The following DEGS1 variants were observed in gnomAD, a reference collection of about 807,000 sequenced individuals.
DEGS1 encodes the protein delta 4-desaturase, sphingolipid 1.
DEGS1 carries 17 observed loss-of-function variants against 24.1 expected under a neutral mutation model. The observed-to-expected ratio is 0.70, with a 90% CI of 0.48 to 1.06. The LOEUF is 1.06. Among genes scored for constraint, DEGS1 ranks in the 50% least tolerant of loss-of-function variants. DEGS1 has a pLI of 0.00. For missense variants in DEGS1, 366 were observed against 408.9 expected, an observed-to-expected ratio of 0.90 and a Z score of 0.91; for synonymous variants, 134 against 140.0, an observed-to-expected ratio of 0.96 and a Z score of 0.30.
chr1:224,188,834 ATTTCTC>A (rs1287473683), intron 1 of DEGS1, among the ~76,000 whole-genome samples: 3 of 152,102 alleles, frequency 2.0e-5, no homozygotes, highest in Non-Finnish European at 2.9e-5. Flanking sequence ...ATGCTGTCCG[ATTTCTC>A]TGTTTTCTTT....
chr1:224,189,702 A>G lies in DEGS1; in HGVS notation c.208A>G (p.Ile70Val). The change falls in exon 2 of 3, where the codon ATA (isoleucine) becomes GTA (valine). Residue 70 changes from isoleucine (I) to valine (V), a missense_variant. Transcript: ENST00000323699. ...AAAAGACTTGGACTGGAAATGGGTC[A>G]TATTTGGGGCCTATGCGTTTGGCAG... ...IVKDLDWKWV[I>V]FGAYAFGSCI... The G allele has an allele frequency of 6.2e-7, 1 of 1,614,196 alleles. No homozygotes were observed. The highest frequency in any genetic ancestry group is 8.5e-7 in the Non-Finnish European group (1 of 1,180,046).
intron 1 of DEGS1, among the ~76,000 whole-genome samples, chr1:224,188,946 A>G (rs1367342826): frequency 1.3e-5 from 2 of 152,160 alleles, no homozygotes; most frequent in Non-Finnish European, 2.9e-5. Context: ...TTTCTTATAA[A>G]TTTGGGTCTG....
intron 1 of DEGS1, among the ~76,000 whole-genome samples, chr1:224,187,778 C>T (rs1309809186): frequency 1.3e-5 from 2 of 152,110 alleles, no homozygotes; most frequent in African/African-American, 2.4e-5. Context: ...TAGAACATTT[C>T]ATCATCACCA....
rs746805086 is a variant in DEGS1, at chr1:224,190,317, C to T, written c.823C>T (p.Leu275=). ...CAACATTCCTGGAAAAAGTCTTCCA[C>T]TGGTAAGTAAAGGATTTGATACATA... ...FPNIPGKSLP[L]VRKIAAEYYD... The change falls in exon 2 of 3, where the codon CTG becomes TTG. Residue 275 remains leucine, a splice_region_variant and synonymous_variant. Coordinates refer to ENST00000323699, the MANE Select transcript of DEGS1 (RefSeq NM_003676.4). The T allele has an allele frequency of 2.0e-6, 3 of 1,490,486 alleles. No individual in the cohort carries two copies. Among genetic ancestry groups the T allele is most frequent in the Admixed American group, 5.0e-5 (2 of 39,926 alleles). 92.3% of individuals were successfully genotyped at this position (1,490,486 alleles called of 1,614,324 possible).
At position 224,189,712 on chromosome 1, in the gene DEGS1, C is replaced by T. The variant is rs375219620; in HGVS notation, c.218C>T (p.Ala73Val). 34 of 1,614,050 alleles carry T rather than the reference C, an allele frequency of 2.1e-5. No individual in the cohort carries two copies. Among genetic ancestry groups the T allele is most frequent in the Non-Finnish European group, 2.5e-5 (29 of 1,180,046 alleles). ...DLDWKWVIFG[A>V]YAFGSCINHS... is the part of the protein sequence containing the mutation. ...GACTGGAAATGGGTCATATTTGGGG[C>T]CTATGCGTTTGGCAGTTGCATTAAC... The change falls in exon 2 of 3, where the codon GCC (alanine) becomes GTC (valine). Residue 73 changes from alanine to valine, a missense_variant. Transcript: ENST00000323699.
rs1035262167 is a variant in DEGS1 at position 224,193,304 on chromosome 1, GATGAAA to G, written c.*829_*834del. 1 of 152,130 alleles carries G rather than the reference GATGAAA, an allele frequency of 6.6e-6. No individual in the cohort carries two copies. The highest frequency in any genetic ancestry group is 1.5e-5 in the Non-Finnish European group (1 of 68,028). The allele number at this position is 152,130 out of a possible 1,614,324, so 9.4% of individuals were successfully genotyped here. ...GGTATGATATAGCATAAAAGATTGA[GATGAAA>G]ATATATTTCCCTGTAAGCTGAATTA... On this transcript the variant is annotated 3_prime_UTR_variant, in exon 3 of 3. Coordinates refer to ENST00000323699, the MANE Select transcript of DEGS1 (RefSeq NM_003676.4).
At chr1:224,184,288 C>A (rs1373865235) in intron 1 of DEGS1, among the ~76,000 whole-genome samples, 1 of 152,144 alleles carries the variant, frequency 6.6e-6, no homozygotes, top group Non-Finnish European at 1.5e-5. Context: ...CCAGGCTACT[C>A]CTAATATGCT....
At chr1:224,188,939 CT>C (rs1269121200) in intron 1 of DEGS1, among the ~76,000 whole-genome samples, 1 of 152,086 alleles carries the variant, frequency 6.6e-6, no homozygotes, top group African/African-American at 2.4e-5. Flanking sequence ...TTATAATTTT[CT>C]TATAAATTTG....
chr1:224,192,106 A>G (rs1490053705), intron 2 of DEGS1, among the ~76,000 whole-genome samples: 1 of 152,038 alleles, frequency 6.6e-6, no homozygotes, highest in Non-Finnish European at 1.5e-5. Flanking sequence ...GATGGGAGAG[A>G]GACCTAGAGG....
In DEGS1 at chr1:224,192,646, G is replaced by A; in HGVS notation, c.*168G>A. On this transcript the variant is annotated 3_prime_UTR_variant, in exon 3 of 3. Coordinates refer to ENST00000323699, the MANE Select transcript of DEGS1 (RefSeq NM_003676.4). ...AATCTGGCTTTTAAACAGTCAGCCT[G>A]ACTCTGTACTGCTCAGTTTCACTCA... is the stretch of plus-strand genomic sequence containing the variant. The A allele has an allele frequency of 3.3e-6, 2 of 611,278 alleles. No individual in the cohort carries two copies. The highest frequency in any genetic ancestry group is 5.9e-5 in the East Asian group (2 of 33,836). 37.9% of individuals were successfully genotyped at this position (611,278 alleles called of 1,614,324 possible). A position where few individuals can be genotyped will look rare whatever the true frequency, so the allele number is the denominator to read the frequency against.
Position 224,189,715 on chromosome 1 carries a change from A to G in DEGS1, c.221A>G (p.Tyr74Cys), listed in dbSNP as rs780710131. The G allele has an allele frequency of 7.6e-5, 123 of 1,614,084 alleles. No individual in the cohort carries two copies. The East Asian group carries it at 2.6e-3, about 34-fold the overall frequency. The change falls in exon 2 of 3, where the codon TAT becomes TGT. Residue 74 changes from tyrosine to cysteine, a missense_variant. Physicochemically the swap from Tyr to Cys is radical, Grantham distance 194. Transcript: ENST00000323699. Reference protein sequence around the residue: ...LDWKWVIFGAYAFGSCINHSM... With the variant: ...LDWKWVIFGACAFGSCINHSM... ...TGGAAATGGGTCATATTTGGGGCCT[A>G]TGCGTTTGGCAGTTGCATTAACCAC... is the stretch of plus-strand genomic sequence containing the variant.
Position 224,185,932 on chromosome 1 carries a change from T to C in DEGS1, c.82+2514T>C, listed in dbSNP as rs574600571. Among the ~76,000 whole-genome samples the C allele has an allele frequency of 5.3e-5, 8 of 152,170 alleles. No homozygotes were observed. The South Asian group carries it at 1.7e-3, about 32-fold the overall frequency. On this transcript the variant is annotated intron_variant, in intron 1 of 2. Transcript: ENST00000323699. ...GAAAATCAGGACGGGTGTGGTGGCT[T>C]TTTTTTGCCTGTAATCCGAGCACTT... is the stretch of plus-strand genomic sequence containing the variant.
chr1:224,192,398 T>G lies in DEGS1; in HGVS notation c.892T>G (p.Tyr298Asp). ...PHYNSWIKVL[Y>D]DFVMDDTISP... Reference sequence around the variant, plus strand: ...CTACAATTCCTGGATAAAAGTACTGTATGATTTTGTGATGGATGATACAAT... The same window carrying G: ...CTACAATTCCTGGATAAAAGTACTGGATGATTTTGTGATGGATGATACAAT... Residue 298 changes from tyrosine (Y) to aspartate (D), a missense_variant, in exon 3 of 3, where the codon TAT becomes GAT. Coordinates refer to ENST00000323699, the MANE Select transcript of DEGS1 (RefSeq NM_003676.4). 1 of 1,613,574 alleles carries G rather than the reference T, an allele frequency of 6.2e-7. No individual in the cohort carries two copies. Among genetic ancestry groups the G allele is most frequent in the Non-Finnish European group, 8.5e-7 (1 of 1,179,718 alleles).
rs185752051 is a variant in DEGS1, at chr1:224,184,643, C to A, written c.82+1225C>A. ...TCTTCTGTCTCAGCCTCCCGAGTAG[C>A]TGGGATTACAGGTTCCCACCACTAC... is the stretch of plus-strand genomic sequence containing the variant. On this transcript the variant is annotated intron_variant, in intron 1 of 2. Transcript: ENST00000323699. 2.6e-3 allele frequency among the ~76,000 whole-genome samples: 403 copies of A among 152,224 alleles called. 3 individuals carry two copies. The highest frequency in any genetic ancestry group is 4.6e-3 in the Non-Finnish European group (314 of 68,020).
chr1:224,186,347 C>G (rs1373814589), intron 1 of DEGS1, among the ~76,000 whole-genome samples: 1 of 151,956 alleles, frequency 6.6e-6, no homozygotes, highest in Non-Finnish European at 1.5e-5. Flanking sequence ...CTGATTGATA[C>G]TTACCTCACA....
intron 1 of DEGS1, among the ~76,000 whole-genome samples, chr1:224,187,356 C>T (rs1382932376): frequency 6.6e-6 from 1 of 151,784 alleles, no homozygotes; most frequent in East Asian, 1.9e-4. Flanking sequence ...CACTGTTATA[C>T]TTTAACATGA....
chr1:224,185,233 T>C (rs6695403), intron 1 of DEGS1, among the ~76,000 whole-genome samples: 148,509 of 152,172 alleles, frequency 0.98, 72,554 homozygotes, highest in East Asian at 1. Flanking sequence ...TCAAGCAATC[T>C]GTCCGCTTTG....
rs1179398853 is a variant in DEGS1 at position 224,193,349 on chromosome 1, T to G, written c.*871T>G. ...TAAGCTGAATTACTCATTTAAAAAT[T>G]TTAACTTCTATATGGGACCCGAATT... On this transcript the variant is annotated 3_prime_UTR_variant, in exon 3 of 3. Coordinates refer to ENST00000323699, the MANE Select transcript of DEGS1 (RefSeq NM_003676.4). 6.6e-6 allele frequency: 1 copy of G among 152,206 alleles called. No homozygotes were observed. The highest frequency in any genetic ancestry group is 1.5e-5 in the Non-Finnish European group (1 of 68,022). The allele number at this position is 152,206 out of a possible 1,614,324, so 9.4% of individuals were successfully genotyped here.
chr1:224,188,668 T>C (rs890837699), intron 1 of DEGS1, among the ~76,000 whole-genome samples: 143 of 152,344 alleles, frequency 9.4e-4, no homozygotes, highest in African/African-American at 3.3e-3. Flanking sequence ...GTTCAGATCC[T>C]TTGCCCATTT....
Sources: gnomAD v4.1 joint callset for allele counts (sites outside exome capture counted in the v4.1 genomes callset) on GRCh38, gnomAD v4.1.1 for gene constraint, MANE v1.5 for transcripts, NCBI Gene and HGNC (gene_info 2026-07-23, HGNC 2026-07-21) for gene names.